The following HAUS7 variants were observed in gnomAD, a reference collection of about 807,000 sequenced individuals.
HAUS7 encodes the protein HAUS augmin-like complex subunit 7.
In HAUS7, 3 loss-of-function variants were observed where a neutral mutation model predicts 28.4. The ratio of observed to expected loss-of-function variants is 0.11; its 90% CI spans 0.05 to 0.27. The LOEUF (loss-of-function observed/expected upper bound fraction) is 0.27, where lower values mean the gene tolerates loss of function less well. Among genes scored for constraint, HAUS7 ranks in the 10% least tolerant of loss-of-function variants. The pLI, the probability that HAUS7 is intolerant of heterozygous loss-of-function variation, is 1.00. For missense variants in HAUS7, 284 were observed against 297.3 expected, an observed-to-expected ratio of 0.96 and a Z score of 0.33; for synonymous variants, 165 against 132.1, an observed-to-expected ratio of 1.25 and a Z score of -1.71.
chrX:153,470,370 T>G (rs1233319841), intron 1 of HAUS7, 80 bp downstream of exon 1: 14 of 1,046,628 alleles, frequency 1.3e-5, no homozygotes, highest in Non-Finnish European at 1.7e-5. Context: ...GCCGCGGACT[T>G]CCGCAGCAAG....
intron 1 of HAUS7, among the ~76,000 whole-genome samples, chrX:153,493,267 G>A: frequency 8.9e-6 from 1 of 112,266 alleles, no homozygotes; most frequent in Middle Eastern, 4.6e-3. Flanking sequence ...GGAACCAGAG[G>A]CTCTGCGGCC....
At chrX:153,451,331 T>C (rs1273214569) in intron 9 of HAUS7, among the ~76,000 whole-genome samples, 1 of 112,779 alleles carries the variant, frequency 8.9e-6, no homozygotes, top group Non-Finnish European at 1.9e-5. Flanking sequence ...AATGATGGCA[T>C]AGATTATAAG....
chrX:153,493,795 G>A (rs782763115), intron 1 of HAUS7, among the ~76,000 whole-genome samples: 1 of 111,213 alleles, frequency 9.0e-6, no homozygotes, highest in Admixed American at 9.5e-5. Flanking sequence ...CCTGGCCTGG[G>A]ACCTCCCAGA....
rs138156069 is a variant in HAUS7 at position 153,456,567 on chromosome X, G to A, written c.531C>T (p.Leu177=). The A allele has an allele frequency of 8.5e-7, 1 of 1,175,883 alleles. No individual in the cohort carries two copies. Among genetic ancestry groups the A allele is most frequent in the African/African-American group, 1.8e-5 (1 of 55,996 alleles). The part of the protein sequence containing the change: ...ELFSSPHLQM[L]LNPECDPWPL... ...GCCACGGGTCGCACTCTGGATTCAG[G>A]AGCATCTGCAGGTGGGGGCTAGAGA... The change falls in exon 6 of 10, where the codon CTC becomes CTT. Residue 177 remains leucine, a synonymous_variant. Transcript: ENST00000370211.
At chrX:153,453,794 A>G (rs1286095214) in intron 9 of HAUS7, among the ~76,000 whole-genome samples, 6 of 109,359 alleles carry the variant, frequency 5.5e-5, no homozygotes, top group Non-Finnish European at 7.6e-5. Flanking sequence ...CCCTCATTAT[A>G]AGCCTTTTCC....
chrX:153,453,230 C>T (rs1556981355), intron 9 of HAUS7, among the ~76,000 whole-genome samples: 10 of 111,909 alleles, frequency 8.9e-5, no homozygotes, highest in Non-Finnish European at 1.9e-5. Context: ...TAGAGACAGA[C>T]AGCGTCTCTA....
chrX:153,471,638 G>A (rs1315948021), upstream of HAUS7, among the ~76,000 whole-genome samples: 1 of 112,730 alleles, frequency 8.9e-6, no homozygotes, highest in Non-Finnish European at 1.9e-5. Flanking sequence ...CTGCCACTGT[G>A]CCCTCCTCTG....
intron 9 of HAUS7, among the ~76,000 whole-genome samples, chrX:153,449,230 T>C (rs782795344): frequency 8.9e-6 from 1 of 112,180 alleles, no homozygotes; most frequent in Non-Finnish European, 1.9e-5. Flanking sequence ...GTCATTAGCA[T>C]TGACATTAAG....
intron 1 of HAUS7, chrX:153,480,569 T>A: frequency 2.7e-6 from 2 of 753,833 alleles, no homozygotes; most frequent in Non-Finnish European, 3.1e-6. Flanking sequence ...CCACACTGGC[T>A]CCTTCCGCAG....
At chrX:153,477,717 C>T (rs143520567) in intron 1 of HAUS7, among the ~76,000 whole-genome samples, 338 of 112,762 alleles carry the variant, frequency 3.0e-3, no homozygotes, top group African/African-American at 9.8e-3. Context: ...GGCCTCATCC[C>T]TGACTCCAGA....
intron 8 of HAUS7, chrX:153,455,306 A>G (rs2089291333): frequency 2.3e-6 from 1 of 441,006 alleles, no homozygotes; most frequent in South Asian, 3.3e-5. Flanking sequence ...AGTGCCTGCT[A>G]AGGTGGGCAG....
At chrX:153,469,362 C>T (rs2089492387) in intron 1 of HAUS7, 101 bp from the exon 2 acceptor site, 1 of 447,610 alleles carries the variant, frequency 2.2e-6, no homozygotes, top group Admixed American at 3.5e-5. Context: ...CACTCTGTCG[C>T]CCAGCCTGGA....
rs1368464498 is a variant in HAUS7 at position 153,470,379 on chromosome X, AGCCCTCCCGGGCCTCGGGCGGG to A, written c.108+49_108+70del. 3 of 1,085,175 alleles carry A rather than the reference AGCCCTCCCGGGCCTCGGGCGGG, an allele frequency of 2.8e-6. No homozygotes were observed. The East Asian group carries it at 9.5e-5, about 34-fold the overall frequency. The allele number at this position is 1,085,175 out of a possible 1,213,427, so 89.4% of individuals were successfully genotyped here. ...CGTGGCGCCGCGGACTTCCGCAGCAAGCCCTCCCGGGCCTCGGGCGGGGCCCTCCCCGGTCCCCCGCCCTGGA... is the reference window on the plus strand; with the variant it reads ...CGTGGCGCCGCGGACTTCCGCAGCAAGCCCTCCCCGGTCCCCCGCCCTGGA... On this transcript the variant is annotated intron_variant, in intron 1 of 9. Coordinates refer to ENST00000370211, the MANE Select transcript of HAUS7 (RefSeq NM_001385482.1).
intron 8 of HAUS7, chrX:153,455,070 C>T (rs1053320653): frequency 7.1e-6 from 7 of 988,965 alleles, no homozygotes; most frequent in East Asian, 6.1e-5. Context: ...TGTGGAACAA[C>T]GAAACAAGCA....
intron 1 of HAUS7, among the ~76,000 whole-genome samples, chrX:153,479,827 G>A (rs1474180363): frequency 9.0e-6 from 1 of 111,514 alleles, no homozygotes; most frequent in African/African-American, 3.3e-5. Context: ...CCAGGTGGGT[G>A]GGTCTGCCCC....
intron 1 of HAUS7, among the ~76,000 whole-genome samples, chrX:153,485,552 G>A (rs2089630624): frequency 8.9e-6 from 1 of 112,279 alleles, no homozygotes; most frequent in South Asian, 3.8e-4. Flanking sequence ...TAATCCCTAA[G>A]CCTTGGGGGA....
intron 8 of HAUS7, chrX:153,455,213 A>G (rs953027442): frequency 9.5e-6 from 4 of 422,211 alleles, no homozygotes; most frequent in Admixed American, 7.7e-5. Flanking sequence ...TTTGGAGCGT[A>G]ACGTGACAAC....
chrX:153,491,415 C>G (rs1243323414), intron 1 of HAUS7, among the ~76,000 whole-genome samples: 1 of 112,812 alleles, frequency 8.9e-6, no homozygotes, highest in African/African-American at 3.2e-5. Context: ...GGACAGGCTG[C>G]AGCTGACTCC....
At chrX:153,455,269 G>A in intron 8 of HAUS7, 1 of 441,401 alleles carries the variant, frequency 2.3e-6, no homozygotes, top group Non-Finnish European at 4.0e-6. Context: ...GGACACGCAG[G>A]ACCCCACACC....
Sources: allele counts gnomAD v4.1 joint callset (sites outside exome capture counted in the v4.1 genomes callset), GRCh38; gene constraint gnomAD v4.1.1; transcripts MANE v1.5; gene names NCBI Gene and HGNC (gene_info 2026-07-23, HGNC 2026-07-21).